Variants in GRHL3 observed in about 807,000 individuals in gnomAD.
The protein encoded by GRHL3 is grainyhead-like protein 3 homolog.
GRHL3 carries 20 observed loss-of-function variants against 70.3 expected under a neutral mutation model. That is an observed-to-expected ratio of 0.28 (90% CI 0.20 to 0.41). The LOEUF is 0.41. GRHL3 is among the 10% of genes least tolerant of loss of function. The probability of loss-of-function intolerance (pLI) is 1.00; values close to 1 mark genes in which losing one functional copy is unlikely to be tolerated. For missense variants in GRHL3, 637 were observed against 762.3 expected (o/e 0.84, Z 1.94); for synonymous variants, 299 against 299.9 (o/e 1.00, Z 0.03).
chr1:24,343,309 T>G, intron 11 of GRHL3: 1 of 382,348 alleles, frequency 2.6e-6, no homozygotes, highest in Non-Finnish European at 4.8e-6. Context: ...CCAAATTTGA[T>G]TGCAGCCCCA....
At chr1:24,364,170 C>A in intron 15 of GRHL3, 1 of 1,490,636 alleles carries the variant, frequency 6.7e-7, no homozygotes, top group Non-Finnish European at 8.9e-7. Context: ...TCTTGACGTT[C>A]TCACTTTCTT....
rs904875067 is a variant in GRHL3 at position 24,341,193 on chromosome 1, C to T, written c.1048-922C>T. ...CAGGTGACCTTGCCAGGGTTTGCCCCGCTGAGACTGACCCCAGGCGACCAT... is the reference window on the plus strand; with the variant it reads ...CAGGTGACCTTGCCAGGGTTTGCCCTGCTGAGACTGACCCCAGGCGACCAT... On this transcript the variant is annotated intron_variant, in intron 8 of 15. Coordinates refer to ENST00000361548, the MANE Select transcript of GRHL3 (RefSeq NM_198173.3). 5.3e-5 allele frequency among the ~76,000 whole-genome samples: 8 copies of T among 152,154 alleles called. No individual in the cohort carries two copies. The East Asian group carries it at 1.2e-3, about 22-fold the overall frequency.
intron 1 of GRHL3, among the ~76,000 whole-genome samples, chr1:24,324,356 T>C (rs1192103464): frequency 6.6e-6 from 1 of 152,088 alleles, no homozygotes; most frequent in Non-Finnish European, 1.5e-5. Flanking sequence ...TGCGTGTTCC[T>C]CTTAAGTGGA....
chr1:24,344,564 C>T lies in GRHL3; in HGVS notation c.1420-333C>T, dbSNP rs72878827. Among the ~76,000 whole-genome samples the T allele has an allele frequency of 2.9e-3, 437 of 151,390 alleles. 3 individuals carry two copies. Among genetic ancestry groups the T allele is most frequent in the African/African-American group, 9.9e-3 (409 of 41,204 alleles). ...CCCTCAGCTCCAACTGCCTAGTTAC[C>T]GGCCGCAGGACCATCTGCAATTCCC... On this transcript the variant is annotated intron_variant, in intron 11 of 15. Transcript: ENST00000361548.
chr1:24,343,080 G>A, intron 11 of GRHL3, 55 bp downstream of exon 11: 1 of 1,608,704 alleles, frequency 6.2e-7, no homozygotes, highest in Non-Finnish European at 8.5e-7. Flanking sequence ...CTGGCTCCTA[G>A]GTGGGGCCTG....
At chr1:24,323,193 G>T in intron 1 of GRHL3, 1 of 888,486 alleles carries the variant, frequency 1.1e-6, no homozygotes. Flanking sequence ...GGGAAGAGAG[G>T]GAGTCATTAT....
chr1:24,349,342 T>G (rs1168181615), intron 14 of GRHL3, among the ~76,000 whole-genome samples: 2 of 152,246 alleles, frequency 1.3e-5, no homozygotes, highest in Non-Finnish European at 2.9e-5. Flanking sequence ...GCGCGTGGCT[T>G]ATGCTGTTTG....
rs752673677 is a variant in GRHL3, at chr1:24,338,044, G to A, written c.893G>A (p.Arg298His). Reference sequence around the variant, plus strand: ...GAGAAGGTCCCAGTAGAGCAGCTGCGCTTCTGGAAGCACTGGCATTCCCGG... The same window carrying A: ...GAGAAGGTCCCAGTAGAGCAGCTGCACTTCTGGAAGCACTGGCATTCCCGG... ...DNEKVPVEQLRFWKHWHSRQP... is the reference protein window; with the variant it reads ...DNEKVPVEQLHFWKHWHSRQP... The change falls in exon 7 of 16, where the codon CGC (arginine) becomes CAC (histidine). Residue 298 changes from arginine (R) to histidine (H), a missense_variant. Arg to His is a conservative substitution (Grantham distance 29, BLOSUM62 0). Coordinates refer to ENST00000361548, the MANE Select transcript of GRHL3 (RefSeq NM_198173.3). 30 of 1,613,070 alleles carry A rather than the reference G, an allele frequency of 1.9e-5. No homozygotes were observed. In the South Asian group the frequency reaches 2.1e-4, roughly 11 times the overall value.
intron 14 of GRHL3, among the ~76,000 whole-genome samples, chr1:24,348,450 C>T (rs1640379260): frequency 6.6e-6 from 1 of 152,166 alleles, no homozygotes. Flanking sequence ...CTTTACGCAC[C>T]GTCAGCCCTG....
At chr1:24,339,008 T>C (rs563169715) in intron 7 of GRHL3, among the ~76,000 whole-genome samples, 23 of 152,352 alleles carry the variant, frequency 1.5e-4, no homozygotes, top group Admixed American at 4.6e-4. Flanking sequence ...CCCCTATTAC[T>C]GTTGTTATTA....
At chr1:24,324,049 GA>G (rs796651198) in intron 1 of GRHL3, among the ~76,000 whole-genome samples, 47 of 152,284 alleles carry the variant, frequency 3.1e-4, no homozygotes, top group African/African-American at 1.1e-3. Flanking sequence ...GTGAATCAGT[GA>G]GTGAATAAAT....
chr1:24,361,044 T>G (rs1301624698), intron 15 of GRHL3: 1 of 1,600,472 alleles, frequency 6.2e-7, no homozygotes, highest in Admixed American at 1.7e-5. Context: ...GGTTTTTCCT[T>G]TGGGAAAGAT....
intron 1 of GRHL3, among the ~76,000 whole-genome samples, chr1:24,324,116 AG>A (rs1043667527): frequency 9.2e-5 from 14 of 152,358 alleles, no homozygotes; most frequent in African/African-American, 3.4e-4. Flanking sequence ...TTCACACCTC[AG>A]TTGAACAATA....
Position 24,347,492 on chromosome 1 carries a change from C to T in GRHL3, c.1568C>T (p.Thr523Ile). Residue 523 changes from threonine (T) to isoleucine (I), a missense_variant, in exon 14 of 16, where the codon ACT (threonine) becomes ATT (isoleucine). Transcript: ENST00000361548. ...GTTCTGCTGTATGTGCGGAGGGAGA[C>T]TGAGGAGGTGTTTGACGCGCTCATG... is the stretch of plus-strand genomic sequence containing the variant. ...QRVLLYVRRE[T>I]EEVFDALMLK... is the part of the protein sequence containing the mutation. 1 of 1,614,178 alleles carries T rather than the reference C, an allele frequency of 6.2e-7. No individual in the cohort carries two copies. Among genetic ancestry groups the T allele is most frequent in the Non-Finnish European group, 8.5e-7 (1 of 1,179,986 alleles).
intron 15 of GRHL3, among the ~76,000 whole-genome samples, chr1:24,351,430 T>G (rs1178675427): frequency 6.6e-6 from 1 of 152,090 alleles, no homozygotes; most frequent in Non-Finnish European, 1.5e-5. Flanking sequence ...TTTAGCTGCA[T>G]GCATGTCTAG....
intron 1 of GRHL3, among the ~76,000 whole-genome samples, chr1:24,320,927 G>C (rs942219241): frequency 1.3e-5 from 2 of 152,166 alleles, no homozygotes; most frequent in Non-Finnish European, 2.9e-5. Flanking sequence ...CCACCTCATG[G>C]GGTTGTTAGA....
intron 1 of GRHL3, among the ~76,000 whole-genome samples, chr1:24,324,836 C>T (rs1639331689): frequency 1.3e-5 from 2 of 152,268 alleles, no homozygotes; most frequent in African/African-American, 2.4e-5. Flanking sequence ...CATACTGCCT[C>T]ATGCAAACTG....
At chr1:24,355,655 G>A (rs1215801700), downstream of GRHL3, among the ~76,000 whole-genome samples, 1 of 152,208 alleles carries the variant, frequency 6.6e-6, no homozygotes, top group East Asian at 1.9e-4. Flanking sequence ...GGAGCCACAT[G>A]ACCTGAGTCT....
In GRHL3 at chr1:24,348,100, G is replaced by A. The variant is rs139026841; in HGVS notation, c.1629+547G>A. Among the ~76,000 whole-genome samples, 1,251 of 152,264 alleles carry A rather than the reference G, an allele frequency of 8.2e-3. 10 individuals are homozygous for A. The highest frequency in any genetic ancestry group is 0.012 in the Non-Finnish European group (785 of 68,016). ...CCACCAAAAACTAAGCAAACACAGCGTCCACCAGGGTCAGCTGTGGCTGAA... is the reference window on the plus strand; with the variant it reads ...CCACCAAAAACTAAGCAAACACAGCATCCACCAGGGTCAGCTGTGGCTGAA... On this transcript the variant is annotated intron_variant, in intron 14 of 15. Transcript: ENST00000361548.
Sources: gnomAD v4.1 joint callset for allele counts (sites outside exome capture counted in the v4.1 genomes callset) on GRCh38, gnomAD v4.1.1 for gene constraint, MANE v1.5 for transcripts, NCBI Gene and HGNC (gene_info 2026-07-23, HGNC 2026-07-21) for gene names.